CDH13: variants seen among roughly 807,000 people sequenced by gnomAD.
CDH13 encodes the protein cadherin 13, also known as cadherin-13.
Under a neutral mutation model 63.8 loss-of-function variants are expected in CDH13, and 24 were observed. The observed-to-expected ratio is 0.38, with a 90% CI of 0.27 to 0.53. CDH13 has a LOEUF of 0.53. CDH13 is among the 20% of genes least tolerant of loss of function. CDH13 has a pLI of 0.85. For synonymous variants in CDH13, 503 were observed against 355.3 expected, an observed-to-expected ratio of 1.42 and a Z score of -4.67; for missense variants, 1,049 against 903.1, an observed-to-expected ratio of 1.16 and a Z score of -2.07.
At chr16:82,857,534 C>A (rs1055154451) in intron 1 of CDH13, among the ~76,000 whole-genome samples, 1 of 152,174 alleles carries the variant, frequency 6.6e-6, no homozygotes, top group Non-Finnish European at 1.5e-5. Context: ...TCGTATACAT[C>A]TCATACATTA....
intron 6 of CDH13, among the ~76,000 whole-genome samples, chr16:83,457,556 A>G (rs944661272): frequency 6.6e-6 from 1 of 152,112 alleles, no homozygotes; most frequent in Non-Finnish European, 1.5e-5. Flanking sequence ...TGTCGTTGTC[A>G]TCATCATCAT....
At chr16:82,989,203 A>G (rs1304758881) in intron 2 of CDH13, among the ~76,000 whole-genome samples, 2 of 152,140 alleles carry the variant, frequency 1.3e-5, no homozygotes, top group East Asian at 1.9e-4. Context: ...GAGTAGCTGA[A>G]AAAGGAAAAG....
chr16:82,817,407 C>T (rs967574569), intron 1 of CDH13, among the ~76,000 whole-genome samples: 1 of 152,124 alleles, frequency 6.6e-6, no homozygotes, highest in Non-Finnish European at 1.5e-5. Context: ...GTACTCTAGG[C>T]CCCAGTTACC....
chr16:83,553,811 C>T (rs557345735), intron 7 of CDH13, among the ~76,000 whole-genome samples: 1 of 152,330 alleles, frequency 6.6e-6, no homozygotes, highest in East Asian at 1.9e-4. Context: ...CCTGCCTTGG[C>T]CTCCCAAAGT....
At chr16:83,160,341 C>T (rs1422933659) in intron 4 of CDH13, among the ~76,000 whole-genome samples, 1 of 151,922 alleles carries the variant, frequency 6.6e-6, no homozygotes, top group South Asian at 2.1e-4. Flanking sequence ...AAACCTGAAA[C>T]TGCTCTTAAA....
chr16:83,624,781 C>T (rs964261571), intron 8 of CDH13, among the ~76,000 whole-genome samples: 1 of 152,118 alleles, frequency 6.6e-6, no homozygotes, highest in Non-Finnish European at 1.5e-5. Flanking sequence ...ACCAACGTGA[C>T]CTCAAGGAGC....
At chr16:82,947,006 G>GTGTT (rs1343147045) in intron 2 of CDH13, among the ~76,000 whole-genome samples, 1 of 93,538 alleles carries the variant, frequency 1.1e-5, no homozygotes, top group Non-Finnish European at 2.1e-5. Flanking sequence ...GCGCACGCCT[G>GTGTT]TGTGTGTGTG....
intron 1 of CDH13, among the ~76,000 whole-genome samples, chr16:82,723,857 C>T (rs1174571580): frequency 6.6e-6 from 1 of 152,164 alleles, no homozygotes; most frequent in Non-Finnish European, 1.5e-5. Context: ...AAAGCAGGTG[C>T]TGCTCTGGCC....
intron 7 of CDH13, among the ~76,000 whole-genome samples, chr16:83,523,473 G>A (rs2074886961): frequency 6.6e-6 from 1 of 152,080 alleles, no homozygotes; most frequent in Non-Finnish European, 1.5e-5. Flanking sequence ...TATCCTTGAA[G>A]AGAAACTCAC....
In CDH13 at chr16:83,798,688, C is replaced by T. The variant is rs746565950; in HGVS notation, c.*3658C>T. The T allele has an allele frequency of 3.9e-5, 6 of 152,230 alleles. No individual in the cohort carries two copies. The highest frequency in any genetic ancestry group is 1.3e-4 in the Admixed American group (2 of 15,284). 9.4% of individuals were successfully genotyped at this position (152,230 alleles called of 1,614,324 possible). Reference sequence around the variant, plus strand: ...ACCAGACAAAGTGCCTACTGCAGACCGGAAGACCCTCGTTTGAAGCCTCCA... The same window carrying T: ...ACCAGACAAAGTGCCTACTGCAGACTGGAAGACCCTCGTTTGAAGCCTCCA... On this transcript the variant is annotated 3_prime_UTR_variant, in exon 14 of 14. Coordinates refer to ENST00000567109, the MANE Select transcript of CDH13 (RefSeq NM_001257.5).
At chr16:83,429,520 A>G (rs1485251151) in intron 6 of CDH13, among the ~76,000 whole-genome samples, 1 of 152,044 alleles carries the variant, frequency 6.6e-6, no homozygotes, top group East Asian at 1.9e-4. Context: ...AGACACACAC[A>G]CACACACACA....
intron 1 of CDH13, among the ~76,000 whole-genome samples, chr16:82,757,719 C>G (rs1260012945): frequency 2.8e-5 from 4 of 145,010 alleles, no homozygotes; most frequent in African/African-American, 9.9e-5. Flanking sequence ...TCTTGGTTCA[C>G]TGCAACCTCT....
intron 1 of CDH13, among the ~76,000 whole-genome samples, chr16:82,728,438 G>A (rs956612135): frequency 1.3e-5 from 1 of 78,346 alleles, no homozygotes; most frequent in Non-Finnish European, 2.9e-5. Context: ...ATAAAGAGAG[G>A]CATACAATTT....
Position 83,796,202 on chromosome 16 carries a change from A to C in CDH13, c.*1172A>C, listed in dbSNP as rs1904280286. 1 of 152,322 alleles carries C rather than the reference A, an allele frequency of 6.6e-6. No individual in the cohort carries two copies. Among genetic ancestry groups the C allele is most frequent in the South Asian group, 2.1e-4 (1 of 4,834 alleles). 9.4% of individuals were successfully genotyped at this position (152,322 alleles called of 1,614,324 possible). Reference sequence around the variant, plus strand: ...AAAGCGGAAAGTTAGTGCTTGTTCTAAGATTACCTTCTTGTTGATAAACCA... The same window carrying C: ...AAAGCGGAAAGTTAGTGCTTGTTCTCAGATTACCTTCTTGTTGATAAACCA... On this transcript the variant is annotated 3_prime_UTR_variant, in exon 14 of 14. Coordinates refer to ENST00000567109, the MANE Select transcript of CDH13 (RefSeq NM_001257.5).
At chr16:83,303,345 A>G (rs1485524405) in intron 5 of CDH13, among the ~76,000 whole-genome samples, 3 of 152,342 alleles carry the variant, frequency 2.0e-5, no homozygotes, top group Admixed American at 6.5e-5. Context: ...CCAGATGCTT[A>G]TACAACTTTC....
intron 1 of CDH13, among the ~76,000 whole-genome samples, chr16:82,838,280 A>C (rs1051190681): frequency 6.6e-6 from 1 of 152,174 alleles, no homozygotes; most frequent in Non-Finnish European, 1.5e-5. Flanking sequence ...TATCTCCACT[A>C]GAAGGAGGAT....
At chr16:82,650,418 C>G (rs968607796) in intron 1 of CDH13, among the ~76,000 whole-genome samples, 2 of 152,148 alleles carry the variant, frequency 1.3e-5, no homozygotes, top group Admixed American at 6.5e-5. Flanking sequence ...TGCCCTTTCT[C>G]TATTCCAGAA....
At chr16:82,902,463 G>A (rs1290611561) in intron 2 of CDH13, among the ~76,000 whole-genome samples, 1 of 151,346 alleles carries the variant, frequency 6.6e-6, no homozygotes, top group Non-Finnish European at 1.5e-5. Context: ...AAGCAATTAA[G>A]AAGTCCTGTG....
In CDH13 at chr16:83,503,148, G is replaced by A. The variant is rs189844248; in HGVS notation, c.960+16493G>A. ...ATGTTCACATCATCAGGTAAGCAAG[G>A]GGTATAAAGTGAGGCCTTGAATCGC... is the stretch of plus-strand genomic sequence containing the variant. On this transcript the variant is annotated intron_variant, in intron 7 of 13. Transcript: ENST00000567109. Among the ~76,000 whole-genome samples the A allele has an allele frequency of 1.1e-4, 16 of 152,302 alleles. No homozygotes were observed. In the East Asian group the frequency reaches 2.7e-3, roughly 26 times the overall value.
Sources: gnomAD v4.1 joint callset for allele counts (sites outside exome capture counted in the v4.1 genomes callset) on GRCh38, gnomAD v4.1.1 for gene constraint, MANE v1.5 for transcripts, NCBI Gene and HGNC (gene_info 2026-07-23, HGNC 2026-07-21) for gene names.